The following CDKAL1 variants were observed in gnomAD, a reference collection of about 807,000 sequenced individuals.
CDKAL1 encodes threonylcarbamoyladenosine tRNA methylthiotransferase.
A neutral mutation model predicts 68.2 loss-of-function variants in CDKAL1; 32 were observed. That is an observed-to-expected ratio of 0.47 (90% CI 0.35 to 0.63). The LOEUF (loss-of-function observed/expected upper bound fraction) is 0.63. Ranked by LOEUF, CDKAL1 falls within the 30% of genes least tolerant of loss-of-function variation. The pLI, the probability that CDKAL1 is intolerant of heterozygous loss-of-function variation, is 0.00. For synonymous variants in CDKAL1, 234 were observed against 244.3 expected (o/e 0.96, Z 0.39); for missense variants, 606 against 696.7 (o/e 0.87, Z 1.47).
chr6:20,884,313 A>C (rs541544378), intron 9 of CDKAL1, among the ~76,000 whole-genome samples: 1 of 152,068 alleles, frequency 6.6e-6, no homozygotes, highest in Non-Finnish European at 1.5e-5. Flanking sequence ...ACAAACAAAC[A>C]AAAACACTAA....
chr6:21,200,509 G>T (rs781196229), intron 14 of CDKAL1, among the ~76,000 whole-genome samples: 8 of 152,124 alleles, frequency 5.3e-5, no homozygotes, highest in Non-Finnish European at 1.2e-4. Flanking sequence ...ACACAAACAC[G>T]CAGGCCTGTT....
In CDKAL1 at chr6:21,102,820, C is replaced by T. The variant is rs527299995; in HGVS notation, c.1237-5581C>T. On this transcript the variant is annotated intron_variant, in intron 12 of 15. Transcript: ENST00000274695. ...TGACTCTATTCTGAACCTGATTGTC[C>T]AGTTCGTGAGTTGCCTTGGCTCCTT... Among the ~76,000 whole-genome samples, 90 of 152,286 alleles carry T rather than the reference C, an allele frequency of 5.9e-4. 1 individual carries two copies. The highest frequency in any genetic ancestry group is 2.0e-3 in the African/African-American group (84 of 41,558).
chr6:20,951,452 G>A (rs1764520312), intron 9 of CDKAL1, among the ~76,000 whole-genome samples: 1 of 152,058 alleles, frequency 6.6e-6, no homozygotes, highest in South Asian at 2.1e-4. Flanking sequence ...TTCTACTTCC[G>A]TCTCCTGTCA....
intron 12 of CDKAL1, among the ~76,000 whole-genome samples, chr6:21,089,950 A>C (rs939458260): frequency 3.9e-5 from 6 of 152,344 alleles, no homozygotes; most frequent in Middle Eastern, 6.8e-3. Flanking sequence ...ATGAGCTGAG[A>C]TCATGGTGAG....
intron 9 of CDKAL1, among the ~76,000 whole-genome samples, chr6:20,877,092 G>A (rs1760558270): frequency 6.6e-6 from 1 of 152,184 alleles, no homozygotes; most frequent in Non-Finnish European, 1.5e-5. Flanking sequence ...GGAGGATGCT[G>A]TAGACTGCTG....
At chr6:20,927,801 C>G (rs1336849682) in intron 9 of CDKAL1, among the ~76,000 whole-genome samples, 1 of 152,030 alleles carries the variant, frequency 6.6e-6, no homozygotes, top group Admixed American at 6.6e-5. Flanking sequence ...CTTATAAACA[C>G]TATACATCTT....
chr6:20,931,399 G>A (rs910568924), intron 9 of CDKAL1, among the ~76,000 whole-genome samples: 5 of 152,162 alleles, frequency 3.3e-5, no homozygotes, highest in African/African-American at 9.7e-5. Flanking sequence ...ATAAGACATA[G>A]GAGATATTAA....
chr6:21,149,437 C>T (rs895548676), intron 13 of CDKAL1, among the ~76,000 whole-genome samples: 4 of 152,118 alleles, frequency 2.6e-5, no homozygotes, highest in South Asian at 4.1e-4. Flanking sequence ...TGAACCACCA[C>T]GCCTGGCCCC....
At chr6:20,721,732 T>C (rs1349807155) in intron 5 of CDKAL1, among the ~76,000 whole-genome samples, 2 of 133,412 alleles carry the variant, frequency 1.5e-5, no homozygotes, top group South Asian at 5.0e-4. Flanking sequence ...TCTGTTTTTT[T>C]TTTTTTTTTT....
chr6:20,869,158 G>A (rs554234077), intron 9 of CDKAL1, among the ~76,000 whole-genome samples: 1 of 152,168 alleles, frequency 6.6e-6, no homozygotes, highest in South Asian at 2.1e-4. Context: ...TCTCAACAGT[G>A]GTATTGATAT....
At chr6:21,091,577 C>T (rs192697562) in intron 12 of CDKAL1, among the ~76,000 whole-genome samples, 14 of 152,272 alleles carry the variant, frequency 9.2e-5, no homozygotes, top group Admixed American at 8.5e-4. Context: ...AGACTGGAGG[C>T]TCATTCTTTG....
intron 2 of CDKAL1, among the ~76,000 whole-genome samples, chr6:20,543,732 A>ATTTTTTTTT (rs758586145): frequency 2.0e-5 from 2 of 102,400 alleles, no homozygotes; most frequent in Non-Finnish European, 1.9e-5. Context: ...TATGTTTTAC[A>ATTTTTTTTT]TTTTTTTTTT....
At chr6:21,034,960 A>C (rs1373672476) in intron 11 of CDKAL1, among the ~76,000 whole-genome samples, 1 of 152,170 alleles carries the variant, frequency 6.6e-6, no homozygotes, top group African/African-American at 2.4e-5. Context: ...AAATCTTTTA[A>C]TCTATAAAGT....
chr6:21,132,798 C>T (rs1339559803), intron 13 of CDKAL1, among the ~76,000 whole-genome samples: 2 of 152,118 alleles, frequency 1.3e-5, no homozygotes, highest in South Asian at 2.1e-4. Context: ...TGTCTACCCC[C>T]CAAAACTCCA....
chr6:21,081,676 A>G (rs989992368), intron 12 of CDKAL1, among the ~76,000 whole-genome samples: 1 of 151,372 alleles, frequency 6.6e-6, no homozygotes, highest in Non-Finnish European at 1.5e-5. Flanking sequence ...GGTTCAAGCA[A>G]TTCTCCTGCC....
At chr6:21,058,713 G>A (rs555653225) in intron 11 of CDKAL1, among the ~76,000 whole-genome samples, 2 of 152,306 alleles carry the variant, frequency 1.3e-5, no homozygotes, top group South Asian at 2.1e-4. Context: ...GCCTGGTGGT[G>A]ACAAATACCC....
chr6:21,054,595 C>T (rs7752701), intron 11 of CDKAL1, among the ~76,000 whole-genome samples: 27,676 of 151,962 alleles, frequency 0.18, 2,633 homozygotes, highest in Middle Eastern at 0.24. Flanking sequence ...ATTATATATT[C>T]TTCCATTTAT....
intron 5 of CDKAL1, among the ~76,000 whole-genome samples, chr6:20,697,931 G>T (rs1771176554): frequency 6.6e-6 from 1 of 152,176 alleles, no homozygotes; most frequent in South Asian, 2.1e-4. Flanking sequence ...TCTGAAGTTT[G>T]AGTTACGTGC....
intron 13 of CDKAL1, among the ~76,000 whole-genome samples, chr6:21,148,417 T>A (rs1008962111): frequency 1.3e-5 from 2 of 152,306 alleles, no homozygotes; most frequent in East Asian, 3.9e-4. Context: ...AATCACCAGC[T>A]AGTCAAAAAA....
Sources: allele counts gnomAD v4.1 joint callset (sites outside exome capture counted in the v4.1 genomes callset), GRCh38; gene constraint gnomAD v4.1.1; transcripts MANE v1.5; gene names NCBI Gene and HGNC (gene_info 2026-07-23, HGNC 2026-07-21).